The following STON2 variants were observed in gnomAD, a reference collection of about 807,000 sequenced individuals.
The protein encoded by STON2 is stonin-2.
In STON2, 29 loss-of-function variants were observed where a neutral mutation model predicts 65.7. The observed-to-expected ratio is 0.44, with a 90% CI of 0.33 to 0.60. The LOEUF is 0.60. STON2 is among the 20% of genes least tolerant of loss of function. The pLI, the probability that STON2 is intolerant of heterozygous loss-of-function variation, is 0.03. For synonymous variants in STON2, 404 were observed against 414.2 expected, an observed-to-expected ratio of 0.98 and a Z score of 0.30; for missense variants, 1,054 against 1,118.1, an observed-to-expected ratio of 0.94 and a Z score of 0.82.
intron 5 of STON2, among the ~76,000 whole-genome samples, chr14:81,282,782 G>A (rs1220397656): frequency 6.6e-6 from 1 of 152,120 alleles, no homozygotes; most frequent in African/African-American, 2.4e-5. Flanking sequence ...GAAACAAAGT[G>A]CTTAGCTATA....
intron 4 of STON2, 83 bp downstream of exon 4, chr14:81,370,905 G>A: frequency 7.6e-7 from 1 of 1,313,240 alleles, no homozygotes; most frequent in Non-Finnish European, 1.1e-6. Context: ...GCCAGCTGCA[G>A]CAATTTTTAA....
intron 4 of STON2, among the ~76,000 whole-genome samples, chr14:81,327,483 ACAGACT>A (rs1897042394): frequency 6.6e-6 from 1 of 152,180 alleles, no homozygotes; most frequent in Admixed American, 6.5e-5. Flanking sequence ...TGATTTTCGG[ACAGACT>A]AGCTAGTTAA....
intron 1 of STON2, among the ~76,000 whole-genome samples, chr14:81,433,569 C>G (rs1377244097): frequency 1.3e-5 from 2 of 152,214 alleles, no homozygotes; most frequent in Non-Finnish European, 2.9e-5. Context: ...GTTTAGACTT[C>G]CCCATACCAC....
chr14:81,337,269 C>T (rs914668571), intron 4 of STON2, among the ~76,000 whole-genome samples: 2 of 152,152 alleles, frequency 1.3e-5, no homozygotes, highest in African/African-American at 2.4e-5. Flanking sequence ...ATTGATATTG[C>T]TTTTACCCTC....
At position 81,261,967 on chromosome 14, in the gene STON2, G is replaced by A; in HGVS notation, c.*6447C>T. The A allele has an allele frequency of 7.2e-7, 1 of 1,384,872 alleles. No individual in the cohort carries two copies. The highest frequency in any genetic ancestry group is 1.6e-5 in the South Asian group (1 of 63,590). 85.8% of individuals were successfully genotyped at this position (1,384,872 alleles called of 1,614,324 possible). A position where few individuals can be genotyped will look rare whatever the true frequency, so the allele number is the denominator to read the frequency against. ...GATAAAAAAAAAAAAAAAAAAGAGAGAGATGTGAAAAGGAAAAAGATGGAC... is the reference window on the plus strand; with the variant it reads ...GATAAAAAAAAAAAAAAAAAAGAGAAAGATGTGAAAAGGAAAAAGATGGAC... On this transcript the variant is annotated 3_prime_UTR_variant, in exon 8 of 8. Coordinates refer to ENST00000614646, the MANE Select transcript of STON2 (RefSeq NM_001394390.1).
chr14:81,394,222 A>G (rs1471034160), intron 3 of STON2, among the ~76,000 whole-genome samples: 3 of 152,210 alleles, frequency 2.0e-5, no homozygotes, highest in Non-Finnish European at 4.4e-5. Flanking sequence ...TGATGTTCAA[A>G]TATGAAAAAA....
At chr14:81,434,361 C>A (rs576651210) in intron 1 of STON2, among the ~76,000 whole-genome samples, 1 of 152,148 alleles carries the variant, frequency 6.6e-6, no homozygotes, top group Admixed American at 6.5e-5. Context: ...CAGCAGCAAG[C>A]GTTCAGATCC....
chr14:81,412,774 G>A (rs746526141), intron 2 of STON2, among the ~76,000 whole-genome samples: 3 of 139,944 alleles, frequency 2.1e-5, no homozygotes, highest in Non-Finnish European at 4.5e-5. Context: ...AAAAAAAAAT[G>A]ACCACGCGCA....
chr14:81,413,099 A>G, intron 2 of STON2: 1 of 1,154,738 alleles, frequency 8.7e-7, no homozygotes, highest in Non-Finnish European at 1.3e-6. Context: ...TCATATCAAG[A>G]AGGAATGTGA....
At chr14:81,338,893 C>T (rs1035293746) in intron 4 of STON2, among the ~76,000 whole-genome samples, 6 of 152,180 alleles carry the variant, frequency 3.9e-5, no homozygotes, top group African/African-American at 1.2e-4. Flanking sequence ...TCAAGGAAAA[C>T]TTCCTGGAGG....
chr14:81,406,204 T>A (rs1900851147), intron 2 of STON2, among the ~76,000 whole-genome samples: 1 of 152,216 alleles, frequency 6.6e-6, no homozygotes, highest in Non-Finnish European at 1.5e-5. Flanking sequence ...GACAGCCTAC[T>A]GTGGGACTTC....
At chr14:81,327,030 C>T (rs960773685) in intron 4 of STON2, among the ~76,000 whole-genome samples, 19 of 152,168 alleles carry the variant, frequency 1.2e-4, no homozygotes, top group Admixed American at 7.2e-4. Flanking sequence ...TGGTGGCACG[C>T]GCCTGTAATC....
chr14:81,433,014 C>T (rs1411499062), intron 1 of STON2, among the ~76,000 whole-genome samples: 1 of 152,216 alleles, frequency 6.6e-6, no homozygotes, highest in African/African-American at 2.4e-5. Flanking sequence ...TTTCCAGGCC[C>T]CAGACCAGAC....
intron 4 of STON2, among the ~76,000 whole-genome samples, chr14:81,337,322 T>C (rs1166202166): frequency 6.6e-6 from 1 of 152,202 alleles, no homozygotes; most frequent in African/African-American, 2.4e-5. Context: ...TGGTAGTAAA[T>C]TCACCTGTTA....
intron 7 of STON2, among the ~76,000 whole-genome samples, chr14:81,268,886 C>T (rs1349243680): frequency 2.0e-5 from 3 of 152,198 alleles, no homozygotes; most frequent in Non-Finnish European, 4.4e-5. Context: ...AAGACATGGG[C>T]AGGATCTTGT....
intron 5 of STON2, among the ~76,000 whole-genome samples, chr14:81,314,415 T>C (rs779090429): frequency 6.6e-6 from 1 of 152,256 alleles, no homozygotes; most frequent in Non-Finnish European, 1.5e-5. Flanking sequence ...AATTGAATTC[T>C]GTGCTGTTTG....
intron 3 of STON2, among the ~76,000 whole-genome samples, chr14:81,373,308 C>A (rs988774250): frequency 2.0e-5 from 3 of 151,942 alleles, no homozygotes; most frequent in Admixed American, 6.6e-5. Context: ...GTATCTATAA[C>A]CCCCACCCCA....
At chr14:81,302,616 T>TA (rs1226305130) in intron 5 of STON2, among the ~76,000 whole-genome samples, 1 of 152,220 alleles carries the variant, frequency 6.6e-6, no homozygotes, top group Non-Finnish European at 1.5e-5. Context: ...GCTTTGCATA[T>TA]AAAGTTGATT....
At chr14:81,358,921 T>C (rs1898371703) in intron 4 of STON2, among the ~76,000 whole-genome samples, 1 of 152,162 alleles carries the variant, frequency 6.6e-6, no homozygotes, top group Admixed American at 6.5e-5. Context: ...GGGAAAGACA[T>C]ATTGCAATAC....
Sources: gnomAD v4.1 joint callset for allele counts (sites outside exome capture counted in the v4.1 genomes callset) on GRCh38, gnomAD v4.1.1 for gene constraint, MANE v1.5 for transcripts, NCBI Gene and HGNC (gene_info 2026-07-23, HGNC 2026-07-21) for gene names.